Variants in CCT6A observed in about 807,000 individuals in gnomAD.
CCT6A encodes the protein chaperonin containing TCP1 subunit 6A.
CCT6A carries 6 observed loss-of-function variants against 58.6 expected under a neutral mutation model. That is an observed-to-expected ratio of 0.10 (90% CI 0.06 to 0.20). CCT6A has a LOEUF of 0.20. Among genes scored for constraint, CCT6A ranks in the 10% least tolerant of loss-of-function variants. The pLI, the probability that CCT6A is intolerant of heterozygous loss-of-function variation, is 1.00. For missense variants in CCT6A, 516 were observed against 648.8 expected, an observed-to-expected ratio of 0.80 and a Z score of 2.22; for synonymous variants, 245 against 227.8, an observed-to-expected ratio of 1.08 and a Z score of -0.68.
At chr7:56,060,212 TCTC>T in intron 9 of CCT6A, 54 bp from the exon 10 acceptor site, 6 of 1,498,006 alleles carry the variant, frequency 4.0e-6, no homozygotes, top group East Asian at 2.3e-5. Flanking sequence ...AAGTCCCTCT[TCTC>T]TCTTCACTCT....
chr7:56,056,996 C>G (rs1207923036), intron 5 of CCT6A, among the ~76,000 whole-genome samples: 4 of 151,968 alleles, frequency 2.6e-5, no homozygotes, highest in African/African-American at 4.8e-5. Context: ...GGGGTTTCAC[C>G]ATGTTAACCA....
Position 56,055,606 on chromosome 7 carries a change from A to T in CCT6A, c.337-18A>T. 6.2e-7 allele frequency: 1 copy of T among 1,605,130 alleles called. No individual in the cohort carries two copies. Among genetic ancestry groups the T allele is most frequent in the Non-Finnish European group, 8.5e-7 (1 of 1,172,534 alleles). On this transcript the variant is annotated intron_variant, in intron 3 of 13. Coordinates refer to ENST00000275603, the MANE Select transcript of CCT6A (RefSeq NM_001762.4). ...GCACCTAATTGAAGATGCAAGTGTT[A>T]ATGTGTGTTTATTTTAGGGCCTTCA... is the stretch of plus-strand genomic sequence containing the variant.
At chr7:56,060,579 T>C (rs561501803) in intron 10 of CCT6A, 163 bp downstream of exon 10, 4 of 943,128 alleles carry the variant, frequency 4.2e-6, no homozygotes, top group Non-Finnish European at 6.9e-6. Context: ...TCATAGCATA[T>C]CATTATTAAA....
chr7:56,059,426 A>G (rs2117344898), intron 8 of CCT6A, 118 bp from the exon 9 acceptor site: 5 of 665,522 alleles, frequency 7.5e-6, no homozygotes, highest in South Asian at 6.9e-5. Context: ...CTTAAAGTAC[A>G]TTTTAAAATT....
rs187276570 is a variant in CCT6A at position 56,056,113 on chromosome 7, A to T, written c.511-198A>T. On this transcript the variant is annotated intron_variant, in intron 4 of 13. Coordinates refer to ENST00000275603, the MANE Select transcript of CCT6A (RefSeq NM_001762.4). ...ATGTTAATTAATGTTAATGTTTGGG[A>T]ATTATAGATGGAGATTTCAGAAATG... Among the ~76,000 whole-genome samples the T allele has an allele frequency of 6.6e-5, 10 of 152,262 alleles. No homozygotes were observed. In the East Asian group the frequency reaches 7.7e-4, roughly 12 times the overall value.
intron 12 of CCT6A, 57 bp from the exon 13 acceptor site, chr7:56,062,626 C>G: frequency 7.3e-7 from 1 of 1,372,434 alleles, no homozygotes; most frequent in Non-Finnish European, 1.0e-6. Context: ...CAAAGCTGCA[C>G]ACAATATTGT....
chr7:56,059,274 T>C (rs906156090), intron 8 of CCT6A, among the ~76,000 whole-genome samples: 3 of 152,174 alleles, frequency 2.0e-5, no homozygotes, highest in Admixed American at 2.0e-4. Flanking sequence ...GTGTTGGGAT[T>C]ACAGGTGTGA....
At chr7:56,061,708 A>C (rs754732505) in intron 11 of CCT6A, 39 bp from the exon 12 acceptor site, 2 of 298,890 alleles carry the variant, frequency 6.7e-6, no homozygotes, top group Non-Finnish European at 1.2e-5. Context: ...ATCAGTTATT[A>C]GTTCCTGTTT....
intron 2 of CCT6A, 146 bp downstream of exon 2, chr7:56,052,631 C>CT (rs1794171512): frequency 3.0e-6 from 2 of 677,368 alleles, no homozygotes; most frequent in Non-Finnish European, 5.2e-6. Flanking sequence ...TGCCTGGAGT[C>CT]TGACAGCCCT....
chr7:56,061,668 C>CTT lies in CCT6A; in HGVS notation c.1348-54_1348-53dup, dbSNP rs71015174. ...GGCCGAGATTTTCTTTTTCTTTTTTCTTTTTTTTTTTTTTTTTTTTTTTTT... is the reference window on the plus strand; with the variant it reads ...GGCCGAGATTTTCTTTTTCTTTTTTCTTTTTTTTTTTTTTTTTTTTTTTTTTT... On this transcript the variant is annotated intron_variant, in intron 11 of 13. Coordinates refer to ENST00000275603, the MANE Select transcript of CCT6A (RefSeq NM_001762.4). 1.7e-4 allele frequency: 52 copies of CTT among 312,672 alleles called. 1 individual carries two copies. Among genetic ancestry groups the CTT allele is most frequent in the African/African-American group, 7.7e-4 (20 of 25,938 alleles). 19.4% of individuals were successfully genotyped at this position (312,672 alleles called of 1,614,324 possible).
chr7:56,062,655 CTTATT>C (rs772619304), intron 12 of CCT6A, 23 bp from the exon 13 acceptor site: 5 of 1,593,974 alleles, frequency 3.1e-6, no homozygotes, highest in Non-Finnish European at 4.3e-6. Context: ...ACTGACTGAA[CTTATT>C]TTAAGATTTG....
intron 3 of CCT6A, chr7:56,055,353 A>G: frequency 2.0e-6 from 1 of 492,878 alleles, no homozygotes; most frequent in South Asian, 2.3e-5. Flanking sequence ...TTTTGAAATG[A>G]TTCAGAGTGG....
At chr7:56,053,099 T>C (rs1298119849) in intron 2 of CCT6A, among the ~76,000 whole-genome samples, 3 of 152,140 alleles carry the variant, frequency 2.0e-5, no homozygotes, top group Non-Finnish European at 4.4e-5. Context: ...GTTTTCTCTT[T>C]TTAAAACAGC....
intron 2 of CCT6A, among the ~76,000 whole-genome samples, chr7:56,053,406 C>A (rs1794231869): frequency 6.6e-6 from 1 of 152,068 alleles, no homozygotes; most frequent in African/African-American, 2.4e-5. Context: ...TTTTAGTGGG[C>A]TCAGTGGTGG....
rs764079435 is a variant in CCT6A at position 56,061,817 on chromosome 7, C to T, written c.1418C>T (p.Ser473Leu). ...AAAATTCAAGCAGAACATTCAGAAT[C>T]AGGTCAGCTTGTGGGTGTGGACCTG... Reference protein sequence around the residue: ...LVKIQAEHSESGQLVGVDLNT... With the variant: ...LVKIQAEHSELGQLVGVDLNT... The change falls in exon 12 of 14, where the codon TCA becomes TTA. Residue 473 changes from serine (S) to leucine (L), a missense_variant. Ser to Leu is a moderately radical substitution (Grantham distance 145, BLOSUM62 -2). This residue lies in a region of CCT6A where 315 missense variants were observed against 389.4 expected (regional missense o/e 0.81). Transcript: ENST00000275603. 3 of 1,607,396 alleles carry T rather than the reference C, an allele frequency of 1.9e-6. No homozygotes were observed. The African/African-American group carries it at 4.0e-5, about 22-fold the overall frequency.
intron 8 of CCT6A, chr7:56,058,997 TA>T: frequency 4.8e-6 from 1 of 208,276 alleles, no homozygotes; most frequent in South Asian, 1.6e-4. Context: ...CTCCCCACAA[TA>T]AAAAGCTTTT....
chr7:56,053,878 T>C (rs1398490887), intron 2 of CCT6A, among the ~76,000 whole-genome samples: 1 of 152,220 alleles, frequency 6.6e-6, no homozygotes, highest in Non-Finnish European at 1.5e-5. Context: ...CAACCACCAC[T>C]GTAGCTAATA....
chr7:56,057,909 A>G, intron 5 of CCT6A, 84 bp from the exon 6 acceptor site: 1 of 781,928 alleles, frequency 1.3e-6, no homozygotes, highest in South Asian at 1.5e-5. Context: ...TGCGTGAAAT[A>G]TCAATACCTT....
intron 1 of CCT6A, 60 bp from the exon 2 acceptor site, chr7:56,052,362 T>C: frequency 3.4e-6 from 5 of 1,481,902 alleles, no homozygotes; most frequent in East Asian, 2.3e-5. Flanking sequence ...CGTTTTCTAA[T>C]GGGACTTTTA....
Sources: allele counts gnomAD v4.1 joint callset (sites outside exome capture counted in the v4.1 genomes callset), GRCh38; gene constraint gnomAD v4.1.1; regional missense constraint gnomAD v4.1.1; transcripts MANE v1.5; gene names NCBI Gene and HGNC (gene_info 2026-07-23, HGNC 2026-07-21).